DNAH14: variants seen among roughly 807,000 people sequenced by gnomAD.
The protein encoded by DNAH14 is dynein axonemal heavy chain 14.
In DNAH14, 478 loss-of-function variants were observed where a neutral mutation model predicts 520.9. That is an observed-to-expected ratio of 0.92 (90% CI 0.85 to 0.99). DNAH14 has a LOEUF of 0.99. Ranked by LOEUF, DNAH14 falls within the 50% of genes least tolerant of loss-of-function variation. The pLI is 0.00. For missense variants in DNAH14, 4,831 were observed against 5,234.5 expected (o/e 0.92, Z 2.38); for synonymous variants, 1,581 against 1,757.2 (o/e 0.90, Z 2.51).
chr1:225,044,271 CAAGAT>C (rs1184013116), intron 15 of DNAH14, among the ~76,000 whole-genome samples: 1 of 152,112 alleles, frequency 6.6e-6, no homozygotes, highest in Non-Finnish European at 1.5e-5. Context: ...TACAAATGAG[CAAGAT>C]CTTTTATGTC....
At chr1:225,216,421 C>G (rs1012026505) in intron 41 of DNAH14, among the ~76,000 whole-genome samples, 13 of 152,128 alleles carry the variant, frequency 8.5e-5, no homozygotes, top group African/African-American at 3.1e-4. Context: ...CTCTGTATTT[C>G]CTGAATTTGA....
chr1:225,156,435 G>A (rs1413477041), intron 34 of DNAH14, among the ~76,000 whole-genome samples: 1 of 152,140 alleles, frequency 6.6e-6, no homozygotes, highest in African/African-American at 2.4e-5. Context: ...TCTGGTGGTT[G>A]CCTGCATTTC....
intron 78 of DNAH14, 133 bp from the exon 79 acceptor site, chr1:225,377,104 G>A (rs569961276): frequency 2.4e-5 from 17 of 700,518 alleles, no homozygotes; most frequent in South Asian, 3.5e-5. Context: ...GAAAGCCTTC[G>A]GTATAAAATT....
chr1:225,048,694 C>G (rs1159851069), intron 15 of DNAH14, among the ~76,000 whole-genome samples: 1 of 151,974 alleles, frequency 6.6e-6, no homozygotes, highest in African/African-American at 2.4e-5. Context: ...TTGGATTAAT[C>G]CAAATTTTCC....
intron 41 of DNAH14, among the ~76,000 whole-genome samples, chr1:225,216,047 C>A (rs533153497): frequency 6.6e-6 from 1 of 152,298 alleles, no homozygotes; most frequent in African/African-American, 2.4e-5. Flanking sequence ...TTGTTCCTTT[C>A]CATGTTTAGT....
chr1:225,178,451 A>G (rs117337998), intron 36 of DNAH14, among the ~76,000 whole-genome samples: 3,231 of 152,216 alleles, frequency 0.021, 89 homozygotes, highest in African/African-American at 0.062. Flanking sequence ...GGGAAAGACG[A>G]GCCCCCATGG....
intron 1 of DNAH14, among the ~76,000 whole-genome samples, chr1:224,943,568 T>C (rs1371868049): frequency 6.6e-6 from 1 of 152,236 alleles, no homozygotes; most frequent in Non-Finnish European, 1.5e-5. Flanking sequence ...GCTTCTCTAG[T>C]TCTTTTAATT....
At chr1:225,334,674 C>T (rs1476950964) in intron 66 of DNAH14, among the ~76,000 whole-genome samples, 3 of 152,022 alleles carry the variant, frequency 2.0e-5, no homozygotes, top group Non-Finnish European at 1.5e-5. Context: ...AGTTTGAGAA[C>T]AGCAGTAGTA....
Position 224,968,855 on chromosome 1 carries a change from A to G in DNAH14, c.748A>G (p.Lys250Glu). Residue 250 changes from lysine to glutamate, a missense_variant, in exon 7 of 86, where the codon AAG becomes GAG. Lys to Glu is a moderately conservative substitution (Grantham distance 56). Transcript: ENST00000682510. ...RRHYYLLRQF[K>E]IFSDFRMNKA... ...ACATTACTATTTATTACGGCAATTC[A>G]AGATATTTTCTGATTTCCGGTGAGG... 3 of 1,541,666 alleles carry G rather than the reference A, an allele frequency of 1.9e-6. No homozygotes were observed. In the South Asian group the frequency reaches 3.7e-5, roughly 19 times the overall value.
intron 9 of DNAH14, among the ~76,000 whole-genome samples, chr1:225,003,652 C>T (rs887733943): frequency 4.0e-4 from 61 of 151,732 alleles, no homozygotes; most frequent in African/African-American, 1.4e-3. Flanking sequence ...AGGTGCTCAC[C>T]AATAGTCTTT....
At chr1:225,119,085 A>G in intron 25 of DNAH14, 135 bp from the exon 26 acceptor site, 1 of 510,320 alleles carries the variant, frequency 2.0e-6, no homozygotes, top group East Asian at 3.5e-5. Flanking sequence ...TAGAAAAACC[A>G]AAAGGCAGTA....
At chr1:224,933,161 A>G (rs2058803331) in intron 1 of DNAH14, among the ~76,000 whole-genome samples, 1 of 151,738 alleles carries the variant, frequency 6.6e-6, no homozygotes, top group African/African-American at 2.4e-5. Context: ...GGTTAAATTT[A>G]TTTTTAGGTA....
chr1:225,147,807 G>A (rs2080095684), intron 31 of DNAH14, among the ~76,000 whole-genome samples: 1 of 151,994 alleles, frequency 6.6e-6, no homozygotes, highest in African/African-American at 2.4e-5. Context: ...CCTCCAGTAG[G>A]CCCTAGTATC....
intron 36 of DNAH14, among the ~76,000 whole-genome samples, chr1:225,183,404 G>A (rs764864019): frequency 6.6e-6 from 1 of 152,190 alleles, no homozygotes; most frequent in Non-Finnish European, 1.5e-5. Flanking sequence ...TCTAGGATGT[G>A]ACAAAAACAG....
chr1:225,021,303 A>G lies in DNAH14; in HGVS notation c.1108-2312A>G, dbSNP rs77855878. ...AGTACTGGAAATTCTAGCCAGATCA[A>G]TTATGCAAGAGAGAGAAGCATAAGG... On this transcript the variant is annotated intron_variant, in intron 10 of 85. Transcript: ENST00000682510. Among the ~76,000 whole-genome samples the G allele has an allele frequency of 3.9e-3, 595 of 152,324 alleles. 5 individuals are homozygous for G. The highest frequency in any genetic ancestry group is 0.013 in the African/African-American group (557 of 41,584).
intron 21 of DNAH14, among the ~76,000 whole-genome samples, chr1:225,091,678 C>T (rs1254313827): frequency 1.3e-5 from 2 of 152,030 alleles, no homozygotes; most frequent in South Asian, 4.1e-4. Context: ...ACAATCAAGT[C>T]TGAATAATAC....
At chr1:224,938,492 A>G (rs1348873544) in intron 1 of DNAH14, among the ~76,000 whole-genome samples, 1 of 152,032 alleles carries the variant, frequency 6.6e-6, no homozygotes, top group East Asian at 1.9e-4. Flanking sequence ...ATAGTGCAAC[A>G]TCATCTCACT....
chr1:225,005,865 G>A (rs1403264019), intron 9 of DNAH14, among the ~76,000 whole-genome samples: 5 of 152,070 alleles, frequency 3.3e-5, no homozygotes, highest in Non-Finnish European at 7.4e-5. Context: ...TTAATTCATA[G>A]CATAGTAGAT....
chr1:224,974,167 C>T lies in DNAH14; in HGVS notation c.830+14C>T, dbSNP rs748057987. 47 of 1,428,840 alleles carry T rather than the reference C, an allele frequency of 3.3e-5. No individual in the cohort carries two copies. Among genetic ancestry groups the T allele is most frequent in the Admixed American group, 1.0e-4 (4 of 38,178 alleles). 88.5% of individuals were successfully genotyped at this position (1,428,840 alleles called of 1,614,324 possible). Reference sequence around the variant, plus strand: ...AGAGAAGAGCAGGTAAGTTTTGATACGCAATATATAAAAATTTCAAAAGGA... The same window carrying T: ...AGAGAAGAGCAGGTAAGTTTTGATATGCAATATATAAAAATTTCAAAAGGA... On this transcript the variant is annotated intron_variant, in intron 8 of 85. Coordinates refer to ENST00000682510, the MANE Select transcript of DNAH14 (RefSeq NM_001367479.1).
Sources: gnomAD v4.1 joint callset for allele counts (sites outside exome capture counted in the v4.1 genomes callset) on GRCh38, gnomAD v4.1.1 for gene constraint, MANE v1.5 for transcripts, NCBI Gene and HGNC (gene_info 2026-07-23, HGNC 2026-07-21) for gene names.